Variants in SLC12A7 observed in about 807,000 individuals in gnomAD.
SLC12A7 encodes K-Cl cotransporter 4.
A neutral mutation model predicts 120.6 loss-of-function variants in SLC12A7; 100 were observed. The observed-to-expected ratio is 0.83, with a 90% confidence interval of 0.71 to 0.98. SLC12A7 has a LOEUF of 0.98. SLC12A7 is among the 50% of genes least tolerant of loss of function. SLC12A7 has a pLI of 0.00. For missense variants in SLC12A7, 1,373 were observed against 1,548.1 expected (o/e 0.89, Z 1.90); for synonymous variants, 760 against 678.0 (o/e 1.12, Z -1.88).
In SLC12A7 at chr5:1,111,917, C is replaced by T; in HGVS notation, c.75G>A (p.Thr25=). The change falls in exon 1 of 24, where the codon ACG becomes ACA. Residue 25 remains threonine (T), a synonymous_variant. Coordinates refer to ENST00000264930, the MANE Select transcript of SLC12A7 (RefSeq NM_006598.3). ...GGCCCTCGGGGGTGCCCGGAGCCTCCGTCCGCTCGGCAGTCTCGTCCCCGC... is the reference window on the plus strand; with the variant it reads ...GGCCCTCGGGGGTGCCCGGAGCCTCTGTCCGCTCGGCAGTCTCGTCCCCGC... ...DGGGDETAER[T]EAPGTPEGPE... 7.9e-7 allele frequency: 1 copy of T among 1,263,624 alleles called. No individual in the cohort carries two copies. Among genetic ancestry groups the T allele is most frequent in the Non-Finnish European group, 1.0e-6 (1 of 1,002,524 alleles). The allele number at this position is 1,263,624 out of a possible 1,614,324, so 78.3% of individuals were successfully genotyped here.
chr5:1,144,186 G>A, the SLC12A7 span, among the ~76,000 whole-genome samples: 92 of 152,134 alleles, frequency 6.0e-4, no homozygotes, highest in African/African-American at 2.1e-3. Context: ...GGACCTGGAC[G>A]CACCCGCCAA....
upstream of SLC12A7, among the ~76,000 whole-genome samples, chr5:1,116,720 G>A (rs1231794368): frequency 1.3e-5 from 2 of 152,134 alleles, no homozygotes; most frequent in Non-Finnish European, 2.9e-5. Context: ...AATCTCACAC[G>A]GACGCCCGTG....
intron 17 of SLC12A7, among the ~76,000 whole-genome samples, chr5:1,065,818 A>G (rs186432019): frequency 8.8e-4 from 133 of 151,942 alleles, no homozygotes; most frequent in Admixed American, 4.1e-3. Context: ...GCTCTGGGCC[A>G]GGTTCATCCA....
intron 9 of SLC12A7, among the ~76,000 whole-genome samples, chr5:1,081,258 G>C (rs561980871): frequency 2.6e-5 from 4 of 152,194 alleles, no homozygotes; most frequent in Non-Finnish European, 5.9e-5. Flanking sequence ...TCAGGAGTTT[G>C]AGACCAGCCT....
chr5:1,136,107 G>C, the SLC12A7 span, among the ~76,000 whole-genome samples: 2 of 152,196 alleles, frequency 1.3e-5, no homozygotes, highest in African/African-American at 4.8e-5. Flanking sequence ...CAGAGGCCAT[G>C]GAAGAGGAGA....
At chr5:1,096,439 T>C (rs546321445) in intron 1 of SLC12A7, among the ~76,000 whole-genome samples, 1 of 152,176 alleles carries the variant, frequency 6.6e-6, no homozygotes, top group African/African-American at 2.4e-5. Context: ...TAAGAAAATA[T>C]GTCTAAATGT....
rs191863158 is a variant in SLC12A7, at chr5:1,099,317, C to T, written c.125-5069G>A. 5.9e-5 allele frequency among the ~76,000 whole-genome samples: 9 copies of T among 152,076 alleles called. 1 individual carries two copies. Among genetic ancestry groups the T allele is most frequent in the African/African-American group, 2.2e-4 (9 of 41,466 alleles). ...ACCTCCTCCGGTGGACGGCAGAACCCAACCCGGTCCACCTCCTCTGGGGCA... is the reference window on the plus strand; with the variant it reads ...ACCTCCTCCGGTGGACGGCAGAACCTAACCCGGTCCACCTCCTCTGGGGCA... On this transcript the variant is annotated intron_variant, in intron 1 of 23. Coordinates refer to ENST00000264930, the MANE Select transcript of SLC12A7 (RefSeq NM_006598.3).
intron 1 of SLC12A7, among the ~76,000 whole-genome samples, chr5:1,110,043 C>T (rs1017525119): frequency 3.3e-5 from 5 of 152,222 alleles, no homozygotes; most frequent in Non-Finnish European, 5.9e-5. Context: ...CCCCAGGCTC[C>T]GTGCCCATCA....
At chr5:1,093,969 C>G (rs1187780881) in intron 2 of SLC12A7, among the ~76,000 whole-genome samples, 185 bp downstream of exon 2, 1 of 152,122 alleles carries the variant, frequency 6.6e-6, no homozygotes, top group Admixed American at 6.5e-5. Flanking sequence ...AGCCGAGGAG[C>G]ACGTCCCAGC....
the SLC12A7 span, among the ~76,000 whole-genome samples, chr5:1,130,879 C>T: frequency 4.2e-4 from 64 of 152,272 alleles, no homozygotes; most frequent in African/African-American, 1.4e-3. Context: ...CAGTCTGAGC[C>T]GGGAGGCAGC....
At chr5:1,075,572 C>A in intron 14 of SLC12A7, 82 bp from the exon 15 acceptor site, 1 of 1,515,430 alleles carries the variant, frequency 6.6e-7, no homozygotes, top group East Asian at 2.3e-5. Context: ...GACACTGCCC[C>A]TCCCTCAGTA....
intron 18 of SLC12A7, 136 bp from the exon 19 acceptor site, chr5:1,064,388 G>T: frequency 1.0e-6 from 1 of 964,888 alleles, no homozygotes. Context: ...CCCTCACTCC[G>T]TCAGCTCCTC....
the SLC12A7 span, among the ~76,000 whole-genome samples, chr5:1,140,830 A>G: frequency 3.3e-5 from 5 of 152,242 alleles, no homozygotes; most frequent in Non-Finnish European, 5.9e-5. Context: ...CTGCACCGGC[A>G]TGACAGCTCG....
chr5:1,074,775 C>T, intron 15 of SLC12A7, 104 bp from the exon 16 acceptor site: 1 of 1,068,480 alleles, frequency 9.4e-7, no homozygotes, highest in East Asian at 2.6e-5. Flanking sequence ...GCAAACAGGA[C>T]CCCCAGGAAA....
chr5:1,077,236 G>A (rs905644070), intron 12 of SLC12A7, among the ~76,000 whole-genome samples: 3 of 152,258 alleles, frequency 2.0e-5, no homozygotes, highest in East Asian at 3.8e-4. Context: ...AGGCCCGGCT[G>A]GGACTGAAGA....
the SLC12A7 span, among the ~76,000 whole-genome samples, chr5:1,152,287 G>A: frequency 6.6e-6 from 1 of 152,258 alleles, no homozygotes. Flanking sequence ...GCCACAGTGT[G>A]CAGGGGGCAG....
chr5:1,092,251 G>A (rs1005247021), intron 3 of SLC12A7, among the ~76,000 whole-genome samples: 1 of 152,250 alleles, frequency 6.6e-6, no homozygotes, highest in Admixed American at 6.5e-5. Flanking sequence ...CTGCTGTGTG[G>A]GACCCAGGTC....
chr5:1,135,083 C>T, the SLC12A7 span, among the ~76,000 whole-genome samples: 33 of 151,650 alleles, frequency 2.2e-4, no homozygotes, highest in Non-Finnish European at 3.8e-4. Context: ...GCCGAGATCT[C>T]ACCACTGCAC....
At chr5:1,136,011 C>T in the SLC12A7 span, among the ~76,000 whole-genome samples, 2 of 152,154 alleles carry the variant, frequency 1.3e-5, no homozygotes, top group Non-Finnish European at 2.9e-5. Flanking sequence ...AGGCCTGGCT[C>T]GGGTCCAGAG....
Sources: allele counts gnomAD v4.1 joint callset (sites outside exome capture counted in the v4.1 genomes callset), GRCh38; gene constraint gnomAD v4.1.1; transcripts MANE v1.5; gene names NCBI Gene and HGNC (gene_info 2026-07-23, HGNC 2026-07-21).